Variants in TMTC2 observed in about 807,000 individuals in gnomAD.
TMTC2 encodes the protein transmembrane O-mannosyltransferase targeting cadherins 2.
Under a neutral mutation model 82.4 loss-of-function variants are expected in TMTC2, and 43 were observed. That is an observed-to-expected ratio of 0.52 (90% CI 0.41 to 0.67). The LOEUF is 0.67. Among genes scored for constraint, TMTC2 ranks in the 30% least tolerant of loss-of-function variants. The probability of loss-of-function intolerance (pLI) is 0.00; values close to 1 mark genes in which losing one functional copy is unlikely to be tolerated. For missense variants in TMTC2, 919 were observed against 1,012.4 expected, an observed-to-expected ratio of 0.91 and a Z score of 1.25; for synonymous variants, 408 against 381.9, an observed-to-expected ratio of 1.07 and a Z score of -0.80.
At chr12:82,984,628 A>G (rs939393121) in intron 7 of TMTC2, among the ~76,000 whole-genome samples, 2 of 152,200 alleles carry the variant, frequency 1.3e-5, no homozygotes, top group African/African-American at 4.8e-5. Flanking sequence ...TGTCTGGAAG[A>G]TAATGCAAGT....
chr12:83,043,911 C>A (rs1213136038), intron 9 of TMTC2, among the ~76,000 whole-genome samples: 2 of 152,128 alleles, frequency 1.3e-5, no homozygotes, highest in African/African-American at 4.8e-5. Flanking sequence ...AGACAAATTG[C>A]ATAGTTTGAA....
intron 8 of TMTC2, among the ~76,000 whole-genome samples, chr12:82,996,607 CAT>C (rs141556231): frequency 4.3e-4 from 66 of 152,258 alleles, no homozygotes; most frequent in Non-Finnish European, 6.9e-4. Flanking sequence ...CAGAATGACT[CAT>C]GTGTAAGTAG....
At chr12:82,966,875 C>T (rs781700746) in intron 6 of TMTC2, 44 bp from the exon 7 acceptor site, 6 of 1,375,682 alleles carry the variant, frequency 4.4e-6, no homozygotes, top group Admixed American at 1.8e-5. Context: ...ACGATCCCTG[C>T]ACTTTATTGA....
At chr12:82,940,014 CTTTTTT>C (rs71309537) in intron 4 of TMTC2, among the ~76,000 whole-genome samples, 4 of 91,248 alleles carry the variant, frequency 4.4e-5, no homozygotes, top group Non-Finnish European at 8.7e-5. Context: ...TCTTTCTTTA[CTTTTTT>C]TTTTTTTTTT....
chr12:82,949,596 G>A (rs1339597797), intron 4 of TMTC2, among the ~76,000 whole-genome samples: 4 of 151,880 alleles, frequency 2.6e-5, no homozygotes, highest in Non-Finnish European at 5.9e-5. Context: ...TCATTTATTG[G>A]TCCTGTGTCT....
intron 1 of TMTC2, among the ~76,000 whole-genome samples, chr12:82,777,689 C>T (rs1029742870): frequency 6.6e-6 from 1 of 152,122 alleles, no homozygotes; most frequent in African/African-American, 2.4e-5. Context: ...CACAAACTGC[C>T]AGTAGCAAAC....
intron 11 of TMTC2, among the ~76,000 whole-genome samples, chr12:83,100,785 TAC>T (rs1884191968): frequency 1.3e-5 from 2 of 152,182 alleles, no homozygotes; most frequent in Non-Finnish European, 2.9e-5. Flanking sequence ...CATTAACAAA[TAC>T]TAAAAAAACT....
intron 4 of TMTC2, among the ~76,000 whole-genome samples, chr12:82,949,612 T>C (rs1281528502): frequency 6.6e-6 from 1 of 152,214 alleles, no homozygotes. Flanking sequence ...TGTCTGACCT[T>C]AGGCAAATTA....
At chr12:82,806,410 T>G (rs1879243578) in intron 1 of TMTC2, among the ~76,000 whole-genome samples, 1 of 152,170 alleles carries the variant, frequency 6.6e-6, no homozygotes, top group African/African-American at 2.4e-5. Flanking sequence ...GATACAGTAT[T>G]TGGCATTGTA....
intron 1 of TMTC2, among the ~76,000 whole-genome samples, chr12:82,820,478 G>T (rs930028630): frequency 1.5e-4 from 22 of 151,540 alleles, no homozygotes; most frequent in Non-Finnish European, 5.9e-5. Flanking sequence ...GGGTTCAAGC[G>T]ATTCTCTTGC....
chr12:83,093,264 G>A (rs866271491), intron 11 of TMTC2, among the ~76,000 whole-genome samples: 1 of 152,134 alleles, frequency 6.6e-6, no homozygotes, highest in East Asian at 1.9e-4. Context: ...TTGTCACCAA[G>A]TCTATAAAGT....
At chr12:82,864,569 T>C (rs1466087675) in intron 2 of TMTC2, among the ~76,000 whole-genome samples, 2 of 148,674 alleles carry the variant, frequency 1.3e-5, no homozygotes, top group Non-Finnish European at 3.0e-5. Context: ...TGGCGCAATC[T>C]TGGCTCACTG....
intron 10 of TMTC2, among the ~76,000 whole-genome samples, chr12:83,058,384 A>G (rs1592721013): frequency 6.6e-6 from 1 of 151,862 alleles, no homozygotes; most frequent in East Asian, 1.9e-4. Flanking sequence ...TTGGGAATTC[A>G]GGGTTTACTT....
chr12:82,785,595 T>A (rs917888138), intron 1 of TMTC2, among the ~76,000 whole-genome samples: 3 of 152,096 alleles, frequency 2.0e-5, no homozygotes, highest in African/African-American at 7.2e-5. Context: ...CTGCATAATT[T>A]AAGCAGACTT....
intron 3 of TMTC2, among the ~76,000 whole-genome samples, chr12:82,919,747 A>C (rs1307780329): frequency 6.6e-6 from 1 of 152,222 alleles, no homozygotes; most frequent in South Asian, 2.1e-4. Context: ...AACAATACGA[A>C]GTCTTAAAAC....
chr12:83,011,659 G>T (rs1002002403), intron 8 of TMTC2, among the ~76,000 whole-genome samples: 2 of 152,074 alleles, frequency 1.3e-5, no homozygotes, highest in Non-Finnish European at 2.9e-5. Flanking sequence ...CAAACTTGGT[G>T]CTGCCTTGGT....
chr12:82,865,782 G>C (rs1402100973), intron 2 of TMTC2, among the ~76,000 whole-genome samples: 1 of 152,104 alleles, frequency 6.6e-6, no homozygotes, highest in African/African-American at 2.4e-5. Context: ...CTCAGCAAAT[G>C]TAAAAGAACA....
In TMTC2 at chr12:83,132,532, A is replaced by T. The variant is rs144415031; in HGVS notation, c.*143A>T. ...TCATTGAGGTCACTACCGCTTCTGG[A>T]AGAATCCACTTTGCTGTAGGCACAG... On this transcript the variant is annotated 3_prime_UTR_variant, in exon 12 of 12. Transcript: ENST00000321196. The T allele has an allele frequency of 6.9e-3, 6,238 of 910,332 alleles. 40 individuals carry two copies. The highest frequency in any genetic ancestry group is 8.8e-3 in the Non-Finnish European group (5,490 of 620,944). 56.4% of individuals were successfully genotyped at this position (910,332 alleles called of 1,614,324 possible). A position where few individuals can be genotyped will look rare whatever the true frequency, so the allele number is the denominator to read the frequency against.
intron 8 of TMTC2, among the ~76,000 whole-genome samples, chr12:82,999,097 T>C (rs1318739191): frequency 6.6e-6 from 1 of 152,200 alleles, no homozygotes; most frequent in Non-Finnish European, 1.5e-5. Flanking sequence ...TTTTCCTTCA[T>C]GTCCTTCTGT....
Sources: gnomAD v4.1 joint callset for allele counts (sites outside exome capture counted in the v4.1 genomes callset) on GRCh38, gnomAD v4.1.1 for gene constraint, MANE v1.5 for transcripts, NCBI Gene and HGNC (gene_info 2026-07-23, HGNC 2026-07-21) for gene names.